Variants in GRIK2 observed in about 807,000 individuals in gnomAD.
The protein encoded by GRIK2 is glutamate ionotropic receptor kainate type subunit 2.
A neutral mutation model predicts 100.3 loss-of-function variants in GRIK2; 32 were observed. The ratio of observed to expected loss-of-function variants is 0.32; its 90% confidence interval spans 0.24 to 0.43. The LOEUF (loss-of-function observed/expected upper bound fraction) is 0.43, where lower values mean the gene tolerates loss of function less well. Ranked by LOEUF, GRIK2 falls within the 20% of genes least tolerant of loss-of-function variation. The probability of loss-of-function intolerance (pLI) is 1.00; values close to 1 mark genes in which losing one functional copy is unlikely to be tolerated. For synonymous variants in GRIK2, 417 were observed against 389.4 expected (o/e 1.07, Z -0.83); for missense variants, 843 against 1,114.9 (o/e 0.76, Z 3.47).
intron 14 of GRIK2, among the ~76,000 whole-genome samples, chr6:102,032,702 G>T (rs1329305887): frequency 6.6e-6 from 1 of 151,208 alleles, no homozygotes; most frequent in African/African-American, 2.4e-5. Flanking sequence ...TTGAGTTTTT[G>T]TTTTGTTGCA....
rs1370705138 is a variant in GRIK2, at chr6:101,609,587, TATG to T, written c.116-12358_116-12356del. 2.0e-5 allele frequency among the ~76,000 whole-genome samples: 3 copies of T among 151,754 alleles called. No individual in the cohort carries two copies. In the Admixed American group the frequency reaches 2.0e-4, roughly 10 times the overall value. On this transcript the variant is annotated intron_variant, in intron 2 of 16. Transcript: ENST00000369134. ...TTGATCAATTTCTACAACATTTTAATATGATGTTGATACAAAAATATGGCTTTA... is the reference window on the plus strand; with the variant it reads ...TTGATCAATTTCTACAACATTTTAATATGTTGATACAAAAATATGGCTTTA...
intron 14 of GRIK2, among the ~76,000 whole-genome samples, chr6:101,951,125 G>C (rs914317197): frequency 6.6e-6 from 1 of 152,126 alleles, no homozygotes; most frequent in African/African-American, 2.4e-5. Flanking sequence ...AAATCATTGA[G>C]TGCAGTCATC....
At chr6:102,060,131 T>A (rs989720989) in intron 16 of GRIK2, among the ~76,000 whole-genome samples, 4 of 150,994 alleles carry the variant, frequency 2.6e-5, no homozygotes, top group African/African-American at 7.2e-5. Context: ...GTATTGTTGT[T>A]TTTTTAGGAC....
At chr6:101,848,953 A>G (rs991186520) in intron 10 of GRIK2, among the ~76,000 whole-genome samples, 2 of 151,974 alleles carry the variant, frequency 1.3e-5, no homozygotes, top group Admixed American at 6.6e-5. Flanking sequence ...GGTGTTTTTC[A>G]TCATTTGAGA....
chr6:102,062,884 G>A (rs1241821270), intron 16 of GRIK2, among the ~76,000 whole-genome samples: 3 of 150,344 alleles, frequency 2.0e-5, no homozygotes, highest in Non-Finnish European at 4.5e-5. Context: ...TATATCCTAT[G>A]AATATTTTTT....
chr6:101,774,193 C>A (rs558684934), intron 7 of GRIK2, among the ~76,000 whole-genome samples: 1 of 152,164 alleles, frequency 6.6e-6, no homozygotes, highest in African/African-American at 2.4e-5. Context: ...TTTGCATACA[C>A]CTAGGTCCCA....
At chr6:101,833,780 A>G (rs1782863196) in intron 10 of GRIK2, among the ~76,000 whole-genome samples, 1 of 152,200 alleles carries the variant, frequency 6.6e-6, no homozygotes. Context: ...ATGAACTGCT[A>G]TATTTTGTTT....
At chr6:101,694,499 T>C (rs1268826195) in intron 7 of GRIK2, among the ~76,000 whole-genome samples, 3 of 152,020 alleles carry the variant, frequency 2.0e-5, no homozygotes, top group Non-Finnish European at 2.9e-5. Flanking sequence ...TTAAAAAGCA[T>C]CAAATACTGG....
chr6:101,619,735 ATTTTT>A (rs1780056837), intron 2 of GRIK2, among the ~76,000 whole-genome samples: 1 of 152,054 alleles, frequency 6.6e-6, no homozygotes, highest in African/African-American at 2.4e-5. Context: ...AAGATCTTAC[ATTTTT>A]AGTTACGTCT....
intron 2 of GRIK2, among the ~76,000 whole-genome samples, chr6:101,577,020 C>T (rs1320092247): frequency 1.3e-5 from 2 of 151,956 alleles, no homozygotes; most frequent in African/African-American, 4.8e-5. Flanking sequence ...TTCAACCTTG[C>T]TTAAGAAAGG....
rs193093397 is a variant in GRIK2 at position 101,753,061 on chromosome 6, G to A, written c.952-46587G>A. 9.1e-4 allele frequency among the ~76,000 whole-genome samples: 139 copies of A among 152,164 alleles called. 1 individual carries two copies. Among genetic ancestry groups the A allele is most frequent in the African/African-American group, 3.0e-3 (126 of 41,540 alleles). On this transcript the variant is annotated intron_variant, in intron 7 of 16. Transcript: ENST00000369134. ...TGTAATCCCAGCACTTTGGGAGGCC[G>A]AGGCGGGAGGATCACGAGGTCAGGA... is the stretch of plus-strand genomic sequence containing the variant.
chr6:102,005,726 T>A (rs926446597), intron 14 of GRIK2, among the ~76,000 whole-genome samples: 1 of 152,092 alleles, frequency 6.6e-6, no homozygotes, highest in African/African-American at 2.4e-5. Flanking sequence ...AGTGAAAATA[T>A]ATTTTATTTC....
Position 101,408,837 on chromosome 6 carries a change from C to A in GRIK2, c.115+9445C>A, listed in dbSNP as rs533945173. 3.2e-4 allele frequency among the ~76,000 whole-genome samples: 48 copies of A among 152,130 alleles called. 1 individual carries two copies. The South Asian group carries it at 9.5e-3, about 30-fold the overall frequency. ...GGCTGGGCACCCCATTAGGCACCCA[C>A]GGCCTAATCAAGTTGACATATAAAA... On this transcript the variant is annotated intron_variant, in intron 2 of 16. Coordinates refer to ENST00000369134, the MANE Select transcript of GRIK2 (RefSeq NM_021956.5).
intron 2 of GRIK2, among the ~76,000 whole-genome samples, chr6:101,482,491 A>G (rs1398143035): frequency 1.3e-5 from 2 of 152,134 alleles, no homozygotes; most frequent in Non-Finnish European, 2.9e-5. Flanking sequence ...GGGTGAGACA[A>G]AAAGCGACAA....
intron 2 of GRIK2, among the ~76,000 whole-genome samples, chr6:101,442,673 G>C (rs957960220): frequency 3.9e-5 from 6 of 152,080 alleles, no homozygotes; most frequent in Admixed American, 6.6e-5. Context: ...TTCTGTGAAG[G>C]ACCAGCTAGT....
chr6:101,571,542 G>T (rs919384694), intron 2 of GRIK2, among the ~76,000 whole-genome samples: 1 of 151,978 alleles, frequency 6.6e-6, no homozygotes, highest in African/African-American at 2.4e-5. Context: ...TTGATTCTGT[G>T]CAAGAAAGGT....
At chr6:102,049,071 GTTC>G (rs1771043837) in intron 15 of GRIK2, among the ~76,000 whole-genome samples, 1 of 151,866 alleles carries the variant, frequency 6.6e-6, no homozygotes, top group South Asian at 2.1e-4. Flanking sequence ...TATTTAAAGT[GTTC>G]TTATAACTCT....
intron 9 of GRIK2, among the ~76,000 whole-genome samples, chr6:101,803,935 T>A (rs1046556079): frequency 5.3e-4 from 81 of 152,004 alleles, no homozygotes; most frequent in African/African-American, 1.9e-3. Context: ...TGCTCTGAGA[T>A]TTCATAAATA....
At chr6:101,504,689 T>A (rs1001507077) in intron 2 of GRIK2, among the ~76,000 whole-genome samples, 6 of 152,072 alleles carry the variant, frequency 3.9e-5, no homozygotes, top group Non-Finnish European at 7.4e-5. Context: ...AATACTCTGT[T>A]TATTATATGT....
Sources: gnomAD v4.1 joint callset for allele counts (sites outside exome capture counted in the v4.1 genomes callset) on GRCh38, gnomAD v4.1.1 for gene constraint, MANE v1.5 for transcripts, NCBI Gene and HGNC (gene_info 2026-07-23, HGNC 2026-07-21) for gene names.